The following TNR variants were observed in gnomAD, a reference collection of about 807,000 sequenced individuals.
TNR encodes the protein tenascin-R.
A neutral mutation model predicts 150.4 loss-of-function variants in TNR; 45 were observed. The ratio of observed to expected loss-of-function variants is 0.30; its 90% CI spans 0.24 to 0.38. The LOEUF is 0.38. Among genes scored for constraint, TNR ranks in the 10% least tolerant of loss-of-function variants. The pLI, the probability that TNR is intolerant of heterozygous loss-of-function variation, is 1.00. For synonymous variants in TNR, 687 were observed against 678.4 expected, an observed-to-expected ratio of 1.01 and a Z score of -0.20; for missense variants, 1,544 against 1,759.1, an observed-to-expected ratio of 0.88 and a Z score of 2.19.
intron 18 of TNR, among the ~76,000 whole-genome samples, chr1:175,343,615 C>T (rs1436182972): frequency 6.6e-6 from 1 of 152,164 alleles, no homozygotes; most frequent in Non-Finnish European, 1.5e-5. Flanking sequence ...AATGTAAGTT[C>T]CATGACAGTA....
At chr1:175,439,647 A>G (rs1655687512) in intron 2 of TNR, among the ~76,000 whole-genome samples, 1 of 152,392 alleles carries the variant, frequency 6.6e-6, no homozygotes, top group East Asian at 1.9e-4. Flanking sequence ...ACTAATATCC[A>G]GAATCTACAA....
At chr1:175,473,941 T>A (rs533966274) in intron 2 of TNR, among the ~76,000 whole-genome samples, 1 of 152,048 alleles carries the variant, frequency 6.6e-6, no homozygotes, top group East Asian at 1.9e-4. Flanking sequence ...CACCATTGCC[T>A]CCCCTTGAGC....
At chr1:175,581,327 G>T (rs1204539900) in intron 1 of TNR, among the ~76,000 whole-genome samples, 1 of 152,214 alleles carries the variant, frequency 6.6e-6, no homozygotes, top group Non-Finnish European at 1.5e-5. Flanking sequence ...TTAGACAGGG[G>T]TTCATCTGAG....
chr1:175,688,432 AG>A (rs1666264149), intron 1 of TNR, among the ~76,000 whole-genome samples: 11 of 152,258 alleles, frequency 7.2e-5, no homozygotes, highest in Non-Finnish European at 1.5e-4. Context: ...CTCTGCCTGG[AG>A]CAAAGCAGAT....
At chr1:175,520,524 A>G (rs1401898667) in intron 2 of TNR, among the ~76,000 whole-genome samples, 1 of 152,132 alleles carries the variant, frequency 6.6e-6, no homozygotes, top group Non-Finnish European at 1.5e-5. Flanking sequence ...CTGTTTTTCC[A>G]TATTAAACAA....
rs550049080 is a variant in TNR, at chr1:175,723,643, G to A, written c.-165+19583C>T. On this transcript the variant is annotated intron_variant, in intron 1 of 22. Transcript: ENST00000367674. Reference sequence around the variant, plus strand: ...TCTCAACAATTTGGGAGGCCGAAGCGAGTGGACCACTTGAGGCCAGGGATT... The same window carrying A: ...TCTCAACAATTTGGGAGGCCGAAGCAAGTGGACCACTTGAGGCCAGGGATT... 6.0e-4 allele frequency among the ~76,000 whole-genome samples: 92 copies of A among 152,308 alleles called. 1 individual carries two copies. Among genetic ancestry groups the A allele is most frequent in the African/African-American group, 1.5e-3 (63 of 41,564 alleles).
Position 175,406,423 on chromosome 1 carries a change from G to A in TNR, c.292C>T (p.Leu98=). 3.1e-6 allele frequency: 5 copies of A among 1,614,182 alleles called. No homozygotes were observed. The highest frequency in any genetic ancestry group is 4.2e-6 in the Non-Finnish European group (5 of 1,180,030). Residue 98 remains leucine, a synonymous_variant, in exon 3 of 23, where the codon CTG becomes TTG. Transcript: ENST00000367674. ...GAGGTCTGGCCCATGTACTCTGCCA[G>A]AGTCTCGTCTTCTGCACTCACCTCC... ...EQEVSAEDET[L]AEYMGQTSDH...
chr1:175,553,259 G>A lies in TNR; in HGVS notation c.-164-24890C>T, dbSNP rs1011025230. On this transcript the variant is annotated intron_variant, in intron 1 of 22. Coordinates refer to ENST00000367674, the MANE Select transcript of TNR (RefSeq NM_003285.3). ...GTGTCCACCCTCAATGGCTGCTGAG[G>A]GCTAAGGGGATTAGAAAGGCTCATG... Among the ~76,000 whole-genome samples the A allele has an allele frequency of 6.6e-5, 10 of 152,096 alleles. No individual in the cohort carries two copies. In the South Asian group the frequency reaches 1.9e-3, roughly 28 times the overall value.
intron 20 of TNR, among the ~76,000 whole-genome samples, chr1:175,334,068 C>T (rs1650091950): frequency 1.3e-5 from 2 of 152,118 alleles, no homozygotes; most frequent in Non-Finnish European, 2.9e-5. Context: ...TGGGCCTTCT[C>T]CTGGTGGTAA....
At chr1:175,452,348 A>G (rs1656366753) in intron 2 of TNR, among the ~76,000 whole-genome samples, 1 of 152,248 alleles carries the variant, frequency 6.6e-6, no homozygotes. Flanking sequence ...ATGTGATAGG[A>G]TATCAGGGCT....
intron 21 of TNR, among the ~76,000 whole-genome samples, chr1:175,326,187 T>C (rs1215595762): frequency 6.6e-6 from 1 of 152,054 alleles, no homozygotes; most frequent in African/African-American, 2.4e-5. Flanking sequence ...CTCAGGTAAA[T>C]TGTGTATTTA....
chr1:175,418,418 G>A (rs1654603166), intron 2 of TNR, among the ~76,000 whole-genome samples: 1 of 152,088 alleles, frequency 6.6e-6, no homozygotes, highest in Admixed American at 6.6e-5. Flanking sequence ...TTTGAAAGGA[G>A]GAGGCAATGG....
intron 2 of TNR, among the ~76,000 whole-genome samples, chr1:175,514,393 C>A (rs765572315): frequency 4.6e-5 from 7 of 152,186 alleles, no homozygotes; most frequent in Admixed American, 3.9e-4. Context: ...CCTGCCAACA[C>A]CTTGGCAAAA....
intron 1 of TNR, among the ~76,000 whole-genome samples, chr1:175,557,669 T>C (rs1558005291): frequency 6.7e-6 from 1 of 150,336 alleles, no homozygotes; most frequent in Non-Finnish European, 1.5e-5. Flanking sequence ...TTTACACTGT[T>C]GGTGGGACTG....
At chr1:175,703,837 A>G (rs1302056093) in intron 1 of TNR, among the ~76,000 whole-genome samples, 1 of 152,222 alleles carries the variant, frequency 6.6e-6, no homozygotes, top group African/African-American at 2.4e-5. Context: ...GTATAGGGGT[A>G]TGGGCTCTGA....
intron 1 of TNR, among the ~76,000 whole-genome samples, chr1:175,708,840 A>G (rs1052143941): frequency 6.6e-6 from 1 of 152,168 alleles, no homozygotes; most frequent in African/African-American, 2.4e-5. Context: ...TTGCATTTTC[A>G]ATTGTTCAAG....
chr1:175,338,086 T>C (rs1650335546), intron 18 of TNR, among the ~76,000 whole-genome samples: 1 of 152,252 alleles, frequency 6.6e-6, no homozygotes, highest in Non-Finnish European at 1.5e-5. Flanking sequence ...TGATTACAGA[T>C]GCATGGGCCA....
chr1:175,344,605 G>A (rs1488043224), intron 18 of TNR, among the ~76,000 whole-genome samples: 2 of 152,126 alleles, frequency 1.3e-5, no homozygotes, highest in Non-Finnish European at 2.9e-5. Context: ...TAACTTAGAT[G>A]ACATGGACCA....
At chr1:175,493,390 C>G (rs1404716208) in intron 2 of TNR, among the ~76,000 whole-genome samples, 1 of 152,196 alleles carries the variant, frequency 6.6e-6, no homozygotes. Context: ...CATCTCCTTG[C>G]TAATAGAACA....
Sources: gnomAD v4.1 joint callset for allele counts (sites outside exome capture counted in the v4.1 genomes callset) on GRCh38, gnomAD v4.1.1 for gene constraint, MANE v1.5 for transcripts, NCBI Gene and HGNC (gene_info 2026-07-23, HGNC 2026-07-21) for gene names.